RCAN2: variants seen among roughly 807,000 people sequenced by gnomAD.
The protein encoded by RCAN2 is regulator of calcineurin 2.
RCAN2 carries 9 observed loss-of-function variants against 23.6 expected under a neutral mutation model. That is an observed-to-expected ratio of 0.38 (90% CI 0.23 to 0.67). The LOEUF is 0.67. Ranked by LOEUF, RCAN2 falls within the 30% of genes least tolerant of loss-of-function variation. The pLI, the probability that RCAN2 is intolerant of heterozygous loss-of-function variation, is 0.51. For missense variants in RCAN2, 273 were observed against 302.3 expected (o/e 0.90, Z 0.72); for synonymous variants, 109 against 115.7 (o/e 0.94, Z 0.37).
In RCAN2 at chr6:46,357,639, G is replaced by A. The variant is rs185112852; in HGVS notation, c.225+99113C>T. On this transcript the variant is annotated intron_variant, in intron 2 of 4. Coordinates refer to ENST00000371374, the MANE Select transcript of RCAN2 (RefSeq NM_001251974.2). ...TTATTCTCAATAACTTTATGATGGA[G>A]GTCCTAGTGTTCCTGTTTTAGAGAT... Among the ~76,000 whole-genome samples, 41 of 152,270 alleles carry A rather than the reference G, an allele frequency of 2.7e-4. No individual in the cohort carries two copies. The East Asian group carries it at 7.5e-3, about 28-fold the overall frequency.
At chr6:46,311,809 G>C (rs1037775980) in intron 2 of RCAN2, among the ~76,000 whole-genome samples, 2 of 152,088 alleles carry the variant, frequency 1.3e-5, no homozygotes, top group African/African-American at 4.8e-5. Flanking sequence ...TTATTTAAAG[G>C]ATTCATTTGT....
At chr6:46,463,473 G>A (rs1044232455) in intron 1 of RCAN2, among the ~76,000 whole-genome samples, 3 of 152,190 alleles carry the variant, frequency 2.0e-5, no homozygotes, top group African/African-American at 4.8e-5. Flanking sequence ...GTTTCATTGA[G>A]CAGGTGCCAT....
intron 2 of RCAN2, among the ~76,000 whole-genome samples, chr6:46,273,458 C>T (rs1165483342): frequency 3.9e-5 from 6 of 152,132 alleles, no homozygotes; most frequent in South Asian, 2.1e-4. Context: ...GTTCATAACC[C>T]TCTGAGGTAC....
intron 2 of RCAN2, among the ~76,000 whole-genome samples, chr6:46,281,154 C>T (rs1346332026): frequency 6.6e-6 from 1 of 152,058 alleles, no homozygotes. Context: ...AGACACCAGG[C>T]CACAGCTACC....
chr6:46,363,263 T>A (rs1220278589), intron 2 of RCAN2, among the ~76,000 whole-genome samples: 1 of 152,160 alleles, frequency 6.6e-6, no homozygotes. Flanking sequence ...CTTGTGTGTA[T>A]CATGATTACA....
rs376307088 is a variant in RCAN2 at position 46,288,095 on chromosome 6, TAAG to T, written c.226-39202_226-39200del. ...CGTTCTTCCTAATTAAGGACTTAAA[TAAG>T]AACACAGTCAAGCTTTCAGTAGCAG... On this transcript the variant is annotated intron_variant, in intron 2 of 4. Coordinates refer to ENST00000371374, the MANE Select transcript of RCAN2 (RefSeq NM_001251974.2). 5.4e-3 allele frequency among the ~76,000 whole-genome samples: 825 copies of T among 152,286 alleles called. 5 individuals are homozygous for T. The highest frequency in any genetic ancestry group is 0.018 in the African/African-American group (760 of 41,558).
chr6:46,409,256 G>A (rs922676220), intron 2 of RCAN2, among the ~76,000 whole-genome samples: 12 of 151,838 alleles, frequency 7.9e-5, no homozygotes, highest in African/African-American at 2.4e-4. Context: ...ATATATGAAA[G>A]CAATAACTAA....
chr6:46,231,625 G>A (rs113313995), intron 4 of RCAN2, among the ~76,000 whole-genome samples: 25,014 of 152,034 alleles, frequency 0.16, 2,259 homozygotes, highest in Middle Eastern at 0.29. Context: ...GGTCAGGCTG[G>A]TCTCGAACTC....
At chr6:46,443,046 T>G (rs1767599464) in intron 2 of RCAN2, among the ~76,000 whole-genome samples, 1 of 152,164 alleles carries the variant, frequency 6.6e-6, no homozygotes, top group Non-Finnish European at 1.5e-5. Flanking sequence ...ACAAAACAGA[T>G]TTAACCTCCA....
intron 2 of RCAN2, among the ~76,000 whole-genome samples, chr6:46,307,734 A>G (rs1432488545): frequency 6.6e-6 from 1 of 152,142 alleles, no homozygotes; most frequent in African/African-American, 2.4e-5. Context: ...ATTGATGAAA[A>G]TAGAGTAAGG....
intron 1 of RCAN2, among the ~76,000 whole-genome samples, chr6:46,476,264 A>T (rs1470281244): frequency 6.6e-6 from 1 of 152,196 alleles, no homozygotes; most frequent in Non-Finnish European, 1.5e-5. Flanking sequence ...CCATCCCACT[A>T]GGCCAAAATA....
chr6:46,268,044 T>C (rs191851556), intron 2 of RCAN2, among the ~76,000 whole-genome samples: 66 of 152,268 alleles, frequency 4.3e-4, no homozygotes, highest in Non-Finnish European at 8.7e-4. Context: ...TGGTCATATA[T>C]GCAATAAACA....
chr6:46,462,577 T>C (rs916672122), intron 1 of RCAN2, among the ~76,000 whole-genome samples: 6 of 152,222 alleles, frequency 3.9e-5, no homozygotes, highest in Admixed American at 6.5e-5. Flanking sequence ...GTTCAACATC[T>C]GTTACACAGA....
At chr6:46,374,364 T>C (rs1410013400) in intron 2 of RCAN2, among the ~76,000 whole-genome samples, 1 of 152,350 alleles carries the variant, frequency 6.6e-6, no homozygotes, top group Admixed American at 6.5e-5. Flanking sequence ...TGCACAATCA[T>C]CTTTTATTTT....
chr6:46,456,094 C>T, intron 2 of RCAN2, among the ~76,000 whole-genome samples: 1 of 152,146 alleles, frequency 6.6e-6, no homozygotes, highest in Non-Finnish European at 1.5e-5. Context: ...AAAACATTTA[C>T]ACTAAGTTAA....
At chr6:46,332,444 A>T (rs1764004607) in intron 2 of RCAN2, among the ~76,000 whole-genome samples, 1 of 147,614 alleles carries the variant, frequency 6.8e-6, no homozygotes, top group South Asian at 2.2e-4. Context: ...TATCTCCTAA[A>T]GTTATCCCTC....
intron 1 of RCAN2, among the ~76,000 whole-genome samples, chr6:46,478,388 T>C (rs540819290): frequency 6.6e-6 from 1 of 152,206 alleles, no homozygotes; most frequent in South Asian, 2.1e-4. Context: ...TTTATTAAAA[T>C]AGAAAACCTT....
At chr6:46,272,799 T>C (rs559923740) in intron 2 of RCAN2, among the ~76,000 whole-genome samples, 42 of 152,348 alleles carry the variant, frequency 2.8e-4, no homozygotes, top group African/African-American at 8.7e-4. Context: ...ACTGATTTCG[T>C]AAGTTCATTT....
chr6:46,388,744 A>G (rs1281896283), intron 2 of RCAN2, among the ~76,000 whole-genome samples: 3 of 152,188 alleles, frequency 2.0e-5, no homozygotes, highest in Non-Finnish European at 4.4e-5. Context: ...TGGGAGTTCA[A>G]CAATGAAAAC....
Sources: allele counts gnomAD v4.1 joint callset (sites outside exome capture counted in the v4.1 genomes callset), GRCh38; gene constraint gnomAD v4.1.1; transcripts MANE v1.5; gene names NCBI Gene and HGNC (gene_info 2026-07-23, HGNC 2026-07-21).